The following AARS1 variants were observed in gnomAD, a reference collection of about 807,000 sequenced individuals.
The protein encoded by AARS1 is alanyl-tRNA synthetase 1.
Under a neutral mutation model 108.9 loss-of-function variants are expected in AARS1, and 72 were observed. The ratio of observed to expected loss-of-function variants is 0.66; its 90% confidence interval spans 0.55 to 0.80. The LOEUF (loss-of-function observed/expected upper bound fraction) is 0.80. AARS1 is among the 30% of genes least tolerant of loss of function. The pLI is 0.00. For missense variants in AARS1, 1,193 were observed against 1,233.2 expected (o/e 0.97, Z 0.49); for synonymous variants, 489 against 465.7 (o/e 1.05, Z -0.64).
chr16:70,282,390 C>T (rs190515797), intron 2 of AARS1, among the ~76,000 whole-genome samples: 5 of 151,406 alleles, frequency 3.3e-5, no homozygotes, highest in African/African-American at 9.7e-5. Flanking sequence ...TGCGAAATAC[C>T]GTGCTAAACA....
intron 1 of AARS1, among the ~76,000 whole-genome samples, chr16:70,288,098 CTTT>C (rs34369477): frequency 8.3e-4 from 70 of 83,914 alleles, no homozygotes; most frequent in African/African-American, 3.0e-3. Context: ...TCCCCTTCTT[CTTT>C]TTTTTTTTTT....
intron 20 of AARS1, 100 bp from the exon 21 acceptor site, chr16:70,253,006 C>T: frequency 1.5e-6 from 2 of 1,319,668 alleles, no homozygotes; most frequent in South Asian, 1.2e-5. Context: ...CACTCCTTGC[C>T]CTGGGTGATA....
chr16:70,252,939 C>T (rs935998757), intron 20 of AARS1, 33 bp from the exon 21 acceptor site: 1 of 1,607,416 alleles, frequency 6.2e-7, no homozygotes, highest in Non-Finnish European at 8.5e-7. Flanking sequence ...GGAGTCAGCA[C>T]AGAAGATGGG....
At position 70,262,335 on chromosome 16, in the gene AARS1, T is replaced by A; in HGVS notation, c.1671+11A>T. 1 of 1,614,144 alleles carries A rather than the reference T, an allele frequency of 6.2e-7. No homozygotes were observed. On this transcript the variant is annotated intron_variant, in intron 12 of 20. Transcript: ENST00000261772. ...CCCTCCTCGGCTAACAAGGAAGAAC[T>A]GTTGGCTCACATCTTCACTGCTGTC...
Position 70,282,526 on chromosome 16 carries a change from A to G in AARS1, c.144+94T>C, listed in dbSNP as rs887671038. ...ACAAGATCACACAGGGAGTGACAGA[A>G]CCAGAATCGGTCTGACCCCAGGGCT... On this transcript the variant is annotated intron_variant, in intron 2 of 20. Coordinates refer to ENST00000261772, the MANE Select transcript of AARS1 (RefSeq NM_001605.3). 4.1e-5 allele frequency: 61 copies of G among 1,484,436 alleles called. 1 individual carries two copies. Among genetic ancestry groups the G allele is most frequent in the East Asian group, 1.6e-4 (7 of 44,236 alleles). The allele number at this position is 1,484,436 out of a possible 1,614,324, so 92.0% of individuals were successfully genotyped here. A position where few individuals can be genotyped will look rare whatever the true frequency, so the allele number is the denominator to read the frequency against.
intron 2 of AARS1, among the ~76,000 whole-genome samples, chr16:70,280,585 G>C (rs1490051455): frequency 6.6e-6 from 1 of 152,142 alleles, no homozygotes; most frequent in Admixed American, 6.6e-5. Context: ...ATCCCAGAGT[G>C]AGAAGCATCC....
At chr16:70,256,411 T>C (rs947875606) in intron 15 of AARS1, among the ~76,000 whole-genome samples, 52 of 152,242 alleles carry the variant, frequency 3.4e-4, no homozygotes, top group Non-Finnish European at 4.4e-5. Context: ...TTCAAATGAT[T>C]CTCTTGCCTC....
Position 70,252,752 on chromosome 16 carries a change from G to A in AARS1, c.2876C>T (p.Ala959Val). 2 of 1,614,172 alleles carry A rather than the reference G, an allele frequency of 1.2e-6. No individual in the cohort carries two copies. The highest frequency in any genetic ancestry group is 1.7e-6 in the Non-Finnish European group (2 of 1,180,038). ...CTTTACATCCCCGAGGCGCAGCTGG[G>A]CGAAGGAAGTGGCCAGCTGCAGCGC... ...QEALQLATSF[A>V]QLRLGDVKN The change falls in exon 21 of 21, where the codon GCC becomes GTC. Residue 959 changes from alanine to valine, a missense_variant. By Grantham distance (64) the Ala-to-Val change is moderately conservative (BLOSUM62 0). Coordinates refer to ENST00000261772, the MANE Select transcript of AARS1 (RefSeq NM_001605.3).
chr16:70,284,915 A>T (rs1356599279), intron 1 of AARS1, among the ~76,000 whole-genome samples: 1 of 152,190 alleles, frequency 6.6e-6, no homozygotes. Context: ...GCTATACTGT[A>T]TTTGGAAGCA....
chr16:70,280,673 T>G (rs1031160031), intron 2 of AARS1, among the ~76,000 whole-genome samples: 1 of 152,112 alleles, frequency 6.6e-6, no homozygotes, highest in African/African-American at 2.4e-5. Flanking sequence ...CCATCTAACC[T>G]GAACCCCCTT....
At chr16:70,259,547 A>G (rs1960084506) in intron 13 of AARS1, among the ~76,000 whole-genome samples, 1 of 152,084 alleles carries the variant, frequency 6.6e-6, no homozygotes, top group East Asian at 1.9e-4. Context: ...CAGCGGCGCG[A>G]TTGTAGCTCA....
At chr16:70,253,136 G>T in intron 20 of AARS1, 132 bp downstream of exon 20, 1 of 892,770 alleles carries the variant, frequency 1.1e-6, no homozygotes, top group Non-Finnish European at 1.8e-6. Flanking sequence ...AAGAAGGCCT[G>T]GGTAAGGGGT....
intron 15 of AARS1, 59 bp from the exon 16 acceptor site, chr16:70,255,895 G>C: frequency 6.7e-6 from 10 of 1,488,536 alleles, no homozygotes; most frequent in Non-Finnish European, 8.3e-6. Context: ...TTGGCTGGGG[G>C]GTCACACTAG....
In AARS1 at chr16:70,253,622, G is replaced by A. The variant is rs765244052; in HGVS notation, c.2607+92C>T. 53 of 1,439,212 alleles carry A rather than the reference G, an allele frequency of 3.7e-5. 1 individual carries two copies. Among genetic ancestry groups the A allele is most frequent in the Admixed American group, 8.5e-5 (5 of 59,026 alleles). The allele number at this position is 1,439,212 out of a possible 1,614,324, so 89.2% of individuals were successfully genotyped here. A position where few individuals can be genotyped will look rare whatever the true frequency, so the allele number is the denominator to read the frequency against. ...CTCAATCCCAGACCGTGGGCCCTTA[G>A]GCAACCACTTCGCTCAGAGCCACAG... On this transcript the variant is annotated intron_variant, in intron 19 of 20. Coordinates refer to ENST00000261772, the MANE Select transcript of AARS1 (RefSeq NM_001605.3).
intron 1 of AARS1, among the ~76,000 whole-genome samples, chr16:70,285,342 G>A (rs1047226994): frequency 1.3e-5 from 2 of 152,138 alleles, no homozygotes; most frequent in Non-Finnish European, 2.9e-5. Context: ...GGAGTGCAGT[G>A]GGACAATCAC....
chr16:70,272,640 G>T (rs758980332), intron 4 of AARS1, among the ~76,000 whole-genome samples: 1 of 150,590 alleles, frequency 6.6e-6, no homozygotes, highest in Non-Finnish European at 1.5e-5. Context: ...AATACACAAG[G>T]ACATGAGTAA....
At chr16:70,253,046 T>C in intron 20 of AARS1, 140 bp from the exon 21 acceptor site, 1 of 1,074,150 alleles carries the variant, frequency 9.3e-7, no homozygotes, top group Non-Finnish European at 1.4e-6. Flanking sequence ...ACTTTACGGC[T>C]GGTACAGGGG....
intron 1 of AARS1, among the ~76,000 whole-genome samples, chr16:70,283,568 C>T (rs1212398714): frequency 6.6e-6 from 1 of 152,134 alleles, no homozygotes; most frequent in East Asian, 1.9e-4. Flanking sequence ...ATGAGATTAT[C>T]TCTAAAGATC....
intron 11 of AARS1, among the ~76,000 whole-genome samples, chr16:70,264,620 A>G (rs1418589133): frequency 6.6e-6 from 1 of 152,072 alleles, no homozygotes; most frequent in Non-Finnish European, 1.5e-5. Flanking sequence ...CCAGGCCCCT[A>G]ATAGCATTCT....
Sources: gnomAD v4.1 joint callset for allele counts (sites outside exome capture counted in the v4.1 genomes callset) on GRCh38, gnomAD v4.1.1 for gene constraint, MANE v1.5 for transcripts, NCBI Gene and HGNC (gene_info 2026-07-23, HGNC 2026-07-21) for gene names.